The following PREX2 variants were observed in gnomAD, a reference collection of about 807,000 sequenced individuals.
PREX2 encodes the protein phosphatidylinositol 3,4,5-trisphosphate-dependent Rac exchanger 2 protein.
PREX2 carries 107 observed loss-of-function variants against 203.2 expected under a neutral mutation model. That is an observed-to-expected ratio of 0.53 (90% CI 0.45 to 0.62). The LOEUF (loss-of-function observed/expected upper bound fraction) is 0.62. Among genes scored for constraint, PREX2 ranks in the 20% least tolerant of loss-of-function variants. PREX2 has a pLI of 0.00. For missense variants in PREX2, 1,777 were observed against 1,955.9 expected, an observed-to-expected ratio of 0.91 and a Z score of 1.72; for synonymous variants, 672 against 663.6, an observed-to-expected ratio of 1.01 and a Z score of -0.19.
At chr8:68,160,927 A>C (rs781036913) in intron 35 of PREX2, among the ~76,000 whole-genome samples, 2 of 152,202 alleles carry the variant, frequency 1.3e-5, no homozygotes, top group Admixed American at 1.3e-4. Context: ...TATTCAAAAG[A>C]AAATACCAAG....
At chr8:68,099,923 T>C in intron 23 of PREX2, 80 bp downstream of exon 23, 1 of 1,251,636 alleles carries the variant, frequency 8.0e-7, no homozygotes, top group Non-Finnish European at 1.2e-6. Context: ...TTTTTGATAT[T>C]TTCTTTACAT....
intron 23 of PREX2, among the ~76,000 whole-genome samples, chr8:68,102,216 A>G (rs1810286875): frequency 1.3e-5 from 2 of 152,096 alleles, no homozygotes; most frequent in Admixed American, 6.6e-5. Flanking sequence ...TCTTCGGGAG[A>G]TTAAGAATTT....
chr8:68,021,974 C>G (rs1807581590), intron 3 of PREX2, 62 bp from the exon 4 acceptor site: 2 of 813,608 alleles, frequency 2.5e-6, no homozygotes, highest in Admixed American at 1.8e-5. Flanking sequence ...AAGCATATCA[C>G]ATAGGTTAAA....
intron 33 of PREX2, among the ~76,000 whole-genome samples, chr8:68,141,399 T>C (rs1811227426): frequency 6.6e-6 from 1 of 152,164 alleles, no homozygotes; most frequent in South Asian, 2.1e-4. Flanking sequence ...GAGACATGCA[T>C]GGTTCCTGTC....
intron 25 of PREX2, among the ~76,000 whole-genome samples, chr8:68,112,901 GC>G (rs774684391): frequency 2.0e-5 from 3 of 152,154 alleles, no homozygotes; most frequent in Non-Finnish European, 2.9e-5. Flanking sequence ...TGTCATGAAA[GC>G]TGAACAGATG....
intron 26 of PREX2, among the ~76,000 whole-genome samples, chr8:68,116,867 G>A (rs1240552500): frequency 6.6e-6 from 1 of 152,088 alleles, no homozygotes. Context: ...CTCTGTTATT[G>A]TCTTCCTACT....
chr8:68,026,737 A>G lies in PREX2; in HGVS notation c.442-485A>G, dbSNP rs149436834. Reference sequence around the variant, plus strand: ...AGATCACTTGCTTAAAACCTGTCCTATTTATGGAGAGGAAAACTAGAATTC... The same window carrying G: ...AGATCACTTGCTTAAAACCTGTCCTGTTTATGGAGAGGAAAACTAGAATTC... On this transcript the variant is annotated intron_variant, in intron 4 of 39. Transcript: ENST00000288368. Among the ~76,000 whole-genome samples the G allele has an allele frequency of 5.8e-3, 882 of 152,172 alleles. 7 individuals are homozygous for G. The highest frequency in any genetic ancestry group is 0.02 in the African/African-American group (838 of 41,530).
intron 39 of PREX2, among the ~76,000 whole-genome samples, chr8:68,229,603 T>A (rs1032098825): frequency 9.2e-5 from 14 of 151,950 alleles, no homozygotes; most frequent in Non-Finnish European, 1.0e-4. Context: ...TCACAGGGAG[T>A]AGCCTTTTCT....
chr8:68,183,187 T>A (rs947590989), intron 35 of PREX2, among the ~76,000 whole-genome samples: 3 of 152,060 alleles, frequency 2.0e-5, no homozygotes, highest in African/African-American at 7.2e-5. Flanking sequence ...TACAAAGGTA[T>A]TTTTAGAGAT....
rs111895344 is a variant in PREX2, at chr8:68,062,959, G to T, written c.1339+2180G>T. 4.3e-3 allele frequency among the ~76,000 whole-genome samples: 661 copies of T among 152,158 alleles called. 3 individuals carry two copies. The highest frequency in any genetic ancestry group is 0.015 in the African/African-American group (630 of 41,512). On this transcript the variant is annotated intron_variant, in intron 11 of 39. Coordinates refer to ENST00000288368, the MANE Select transcript of PREX2 (RefSeq NM_024870.4). ...CCATACAGGTGCTCAATAAATATTTGCTGAATGAATGAATAATTATATTTT... is the reference window on the plus strand; with the variant it reads ...CCATACAGGTGCTCAATAAATATTTTCTGAATGAATGAATAATTATATTTT...
chr8:68,127,465 G>T, intron 31 of PREX2, 46 bp downstream of exon 31: 2 of 1,415,860 alleles, frequency 1.4e-6, no homozygotes, highest in Non-Finnish European at 9.9e-7. Flanking sequence ...AGTGATTGTG[G>T]CCCAGGATCA....
chr8:68,165,137 A>T (rs146126692), intron 35 of PREX2, among the ~76,000 whole-genome samples: 1 of 151,754 alleles, frequency 6.6e-6, no homozygotes, highest in East Asian at 2.0e-4. Flanking sequence ...TTTTAACTTG[A>T]TTCAGATGTA....
chr8:67,996,630 A>T (rs1403314714), intron 1 of PREX2, among the ~76,000 whole-genome samples: 1 of 152,084 alleles, frequency 6.6e-6, no homozygotes, highest in Non-Finnish European at 1.5e-5. Context: ...TGGGGACAAA[A>T]GTCTTCAATT....
chr8:68,125,790 A>G (rs1033633333), intron 30 of PREX2, among the ~76,000 whole-genome samples: 1 of 152,046 alleles, frequency 6.6e-6, no homozygotes, highest in Non-Finnish European at 1.5e-5. Context: ...TATTTTAGAA[A>G]GTTTTTTCCC....
Position 68,083,319 on chromosome 8 carries a change from A to T in PREX2, c.1958A>T (p.Asp653Val). 1 of 1,611,498 alleles carries T rather than the reference A, an allele frequency of 6.2e-7. No homozygotes were observed. Among genetic ancestry groups the T allele is most frequent in the Non-Finnish European group, 8.5e-7 (1 of 1,178,156 alleles). ...LVFMRPFNEV[D>V]CFLKSCLNSR... ...TTTATGAGACCTTTCAATGAAGTGG[A>T]TTGCTTCCTGAAATCGTGTTTAAAC... Residue 653 changes from aspartate to valine, a missense_variant, in exon 18 of 40, where the codon GAT (aspartate) becomes GTT (valine). By Grantham distance (152) the Asp-to-Val change is radical. Transcript: ENST00000288368.
At chr8:68,154,651 T>C (rs1811506386) in intron 34 of PREX2, among the ~76,000 whole-genome samples, 1 of 152,224 alleles carries the variant, frequency 6.6e-6, no homozygotes, top group South Asian at 2.1e-4. Flanking sequence ...GACCAGAATT[T>C]CGTTGAGCCA....
chr8:68,051,281 A>C (rs1162706297), intron 8 of PREX2, among the ~76,000 whole-genome samples: 1 of 152,090 alleles, frequency 6.6e-6, no homozygotes, highest in Non-Finnish European at 1.5e-5. Context: ...TCCAGTGTTT[A>C]TGACTGTAGG....
In PREX2 at chr8:68,108,332, GTA is replaced by G; in HGVS notation, c.2938+3_2938+4del. On this transcript the variant is annotated splice_donor_variant and splice_donor_region_variant and intron_variant, in intron 24 of 39. Transcript: ENST00000288368. LOFTEE classifies it high-confidence loss of function. ...AAAGAAAACAAATCTTCGGAGCAAG[GTA>G]TGCTAGCTTTTGCAACTTTATCAAA... 1 of 1,609,938 alleles carries G rather than the reference GTA, an allele frequency of 6.2e-7. No homozygotes were observed. Among genetic ancestry groups the G allele is most frequent in the Non-Finnish European group, 8.5e-7 (1 of 1,177,058 alleles).
At chr8:68,008,962 A>C (rs1217108941) in intron 1 of PREX2, among the ~76,000 whole-genome samples, 3 of 152,218 alleles carry the variant, frequency 2.0e-5, no homozygotes, top group Admixed American at 2.0e-4. Flanking sequence ...ACGGACTGAC[A>C]TGCAAAATAA....
Sources: allele counts gnomAD v4.1 joint callset (sites outside exome capture counted in the v4.1 genomes callset), GRCh38; gene constraint gnomAD v4.1.1; transcripts MANE v1.5; gene names NCBI Gene and HGNC (gene_info 2026-07-23, HGNC 2026-07-21).